The following SLC39A11 variants were observed in gnomAD, a reference collection of about 807,000 sequenced individuals.
SLC39A11 encodes solute carrier family 39 member 11, also known as zinc transporter ZIP11.
In SLC39A11, 33 loss-of-function variants were observed where a neutral mutation model predicts 36.1. That is an observed-to-expected ratio of 0.91 (90% CI 0.69 to 1.22). The LOEUF (loss-of-function observed/expected upper bound fraction) is 1.22. Ranked by LOEUF, SLC39A11 falls within the 50% of genes most tolerant of loss-of-function variation. SLC39A11 has a pLI of 0.00. For missense variants in SLC39A11, 432 were observed against 430.3 expected (o/e 1.00, Z -0.03); for synonymous variants, 166 against 170.3 (o/e 0.97, Z 0.20).
chr17:72,921,238 C>A (rs1391929078), intron 5 of SLC39A11, among the ~76,000 whole-genome samples: 1 of 152,176 alleles, frequency 6.6e-6, no homozygotes. Flanking sequence ...TTCACGAGAA[C>A]CTGCTGCTGA....
At chr17:72,820,190 G>A (rs1158291956) in intron 6 of SLC39A11, among the ~76,000 whole-genome samples, 1 of 151,244 alleles carries the variant, frequency 6.6e-6, no homozygotes, top group Non-Finnish European at 1.5e-5. Context: ...ACCATTGCCT[G>A]CTGGAAAAGG....
intron 7 of SLC39A11, among the ~76,000 whole-genome samples, chr17:72,717,401 C>T (rs1367881211): frequency 6.6e-6 from 1 of 152,112 alleles, no homozygotes; most frequent in African/African-American, 2.4e-5. Context: ...AAGTTGTCCG[C>T]AGGGCTATGC....
intron 6 of SLC39A11, among the ~76,000 whole-genome samples, chr17:72,844,687 A>G (rs1475272048): frequency 6.6e-6 from 1 of 152,136 alleles, no homozygotes; most frequent in Non-Finnish European, 1.5e-5. Context: ...AAACAAAAAA[A>G]CAAAAAACAT....
chr17:72,676,211 T>C (rs2071253782), intron 7 of SLC39A11, among the ~76,000 whole-genome samples: 1 of 152,022 alleles, frequency 6.6e-6, no homozygotes, highest in South Asian at 2.1e-4. Context: ...AAAGTAAACA[T>C]GTCGAAAGCA....
In SLC39A11 at chr17:72,710,449, A is replaced by G. The variant is rs9907481; in HGVS notation, c.671+26201T>C. On this transcript the variant is annotated intron_variant, in intron 7 of 9. Transcript: ENST00000255559. ...TGAGGGCTCCACCCTCAAGCATGAG[A>G]TTAGTGCTCTTATAAAAGAGGTTGA... 5.4e-3 allele frequency among the ~76,000 whole-genome samples: 825 copies of G among 152,258 alleles called. 3 individuals carry two copies. Among genetic ancestry groups the G allele is most frequent in the Non-Finnish European group, 8.5e-3 (577 of 68,024 alleles).
At chr17:73,080,736 A>G (rs2060480614) in intron 3 of SLC39A11, among the ~76,000 whole-genome samples, 1 of 152,016 alleles carries the variant, frequency 6.6e-6, no homozygotes, top group African/African-American at 2.4e-5. Flanking sequence ...TTTGAGGTCC[A>G]GCGTTTAAGA....
intron 7 of SLC39A11, among the ~76,000 whole-genome samples, chr17:72,718,303 G>A (rs1487911341): frequency 6.6e-6 from 1 of 152,146 alleles, no homozygotes; most frequent in African/African-American, 2.4e-5. Flanking sequence ...CCTGGGCATA[G>A]TGGCAGGCGC....
At chr17:72,719,972 C>T (rs958324771) in intron 7 of SLC39A11, among the ~76,000 whole-genome samples, 57 of 152,258 alleles carry the variant, frequency 3.7e-4, no homozygotes, top group African/African-American at 1.3e-3. Flanking sequence ...ATGGAAGGGG[C>T]CCCCAAATGA....
intron 4 of SLC39A11, among the ~76,000 whole-genome samples, chr17:72,950,603 G>T (rs554066677): frequency 6.6e-6 from 1 of 152,342 alleles, no homozygotes; most frequent in Admixed American, 6.5e-5. Context: ...AAGTATGTCA[G>T]CTGATTTTCC....
At chr17:72,733,050 A>G (rs1463704557) in intron 7 of SLC39A11, among the ~76,000 whole-genome samples, 2 of 152,224 alleles carry the variant, frequency 1.3e-5, no homozygotes, top group African/African-American at 4.8e-5. Context: ...AATGCCTACA[A>G]GCCCTGGTCT....
chr17:72,864,458 A>G (rs1418695864), intron 5 of SLC39A11, among the ~76,000 whole-genome samples: 1 of 152,110 alleles, frequency 6.6e-6, no homozygotes, highest in African/African-American at 2.4e-5. Flanking sequence ...AAAGGTGGAC[A>G]TCTAATGGCC....
Position 72,823,970 on chromosome 17 carries a change from A to G in SLC39A11, c.601+25664T>C, listed in dbSNP as rs1321324134. 2.6e-5 allele frequency: 4 copies of G among 151,430 alleles called. 1 individual carries two copies. Among genetic ancestry groups the G allele is most frequent in the Non-Finnish European group, 4.4e-5 (3 of 67,600 alleles). The allele number at this position is 151,430 out of a possible 1,614,324, so 9.4% of individuals were successfully genotyped here. A position where few individuals can be genotyped will look rare whatever the true frequency, so the allele number is the denominator to read the frequency against. ...GAGAAAGAACGAAGAAGAGAAAAAC[A>G]CCAAGTCTCCATATTCAGAAAAATT... On this transcript the variant is annotated intron_variant, in intron 6 of 9. Coordinates refer to ENST00000255559, the MANE Select transcript of SLC39A11 (RefSeq NM_139177.4).
At chr17:72,750,320 G>A (rs1001873982) in intron 6 of SLC39A11, among the ~76,000 whole-genome samples, 10 of 151,890 alleles carry the variant, frequency 6.6e-5, no homozygotes, top group African/African-American at 9.7e-5. Context: ...CAGATACCTC[G>A]GAACCACAAC....
At chr17:72,754,035 T>C (rs1273616653) in intron 6 of SLC39A11, among the ~76,000 whole-genome samples, 153 of 119,220 alleles carry the variant, frequency 1.3e-3, no homozygotes, top group African/African-American at 4.7e-3. Context: ...TATATATATA[T>C]ATATATATAT....
chr17:73,047,990 A>AAAAAAAAATATATAT, intron 3 of SLC39A11, among the ~76,000 whole-genome samples: 1 of 58,702 alleles, frequency 1.7e-5, no homozygotes, highest in Non-Finnish European at 3.0e-5. Context: ...AAAAAAAAAA[A>AAAAAAAAATATATAT]ATATATATAT....
intron 4 of SLC39A11, among the ~76,000 whole-genome samples, chr17:72,956,307 C>T (rs1041277567): frequency 1.3e-5 from 2 of 152,114 alleles, no homozygotes; most frequent in African/African-American, 2.4e-5. Context: ...CAAAATCAAG[C>T]GTATTTAAGC....
intron 5 of SLC39A11, among the ~76,000 whole-genome samples, chr17:72,930,861 C>T (rs1412364698): frequency 1.3e-5 from 2 of 152,146 alleles, no homozygotes; most frequent in African/African-American, 4.8e-5. Flanking sequence ...AGAACTTCAC[C>T]CAGATCTCGT....
At chr17:72,956,564 C>T (rs1033245252) in intron 4 of SLC39A11, among the ~76,000 whole-genome samples, 1 of 152,182 alleles carries the variant, frequency 6.6e-6, no homozygotes, top group African/African-American at 2.4e-5. Flanking sequence ...CAAAAGAACA[C>T]AAGTAACCGA....
At chr17:72,900,194 AAAGAAAGAAAGAAAG>A (rs1298784063) in intron 5 of SLC39A11, among the ~76,000 whole-genome samples, 4 of 149,554 alleles carry the variant, frequency 2.7e-5, no homozygotes, top group South Asian at 2.1e-4. Flanking sequence ...AGAAAGAAAG[AAAGAAAGAAAGAAAG>A]AAAGAAAGAA....
Sources: allele counts gnomAD v4.1 joint callset (sites outside exome capture counted in the v4.1 genomes callset), GRCh38; gene constraint gnomAD v4.1.1; transcripts MANE v1.5; gene names NCBI Gene and HGNC (gene_info 2026-07-23, HGNC 2026-07-21).